Variants in TUNAR observed in about 807,000 individuals in gnomAD.
TUNAR encodes the protein transmembrane neural differentiation associated intracellular calcium regulator, also known as protein TUNAR.
At chr14:95,892,400 G>A (rs947752600) in intron 2 of TUNAR, among the ~76,000 whole-genome samples, 2 of 152,374 alleles carry the variant, frequency 1.3e-5, no homozygotes, top group African/African-American at 4.8e-5. Flanking sequence ...TCAGTGAGTG[G>A]GTGGCAGTGC....
At chr14:95,919,769 A>G (rs1468001787) in intron 2 of TUNAR, among the ~76,000 whole-genome samples, 5 of 152,200 alleles carry the variant, frequency 3.3e-5, no homozygotes. Context: ...CACCCAAAAA[A>G]GAAGATAGAT....
chr14:95,907,334 C>T (rs1432578094), intron 2 of TUNAR, among the ~76,000 whole-genome samples: 1 of 152,192 alleles, frequency 6.6e-6, no homozygotes, highest in Non-Finnish European at 1.5e-5. Flanking sequence ...TGCACAGTTG[C>T]AAGGGAAATG....
chr14:95,917,079 C>T (rs993663224), intron 2 of TUNAR, among the ~76,000 whole-genome samples: 7 of 152,096 alleles, frequency 4.6e-5, no homozygotes, highest in Admixed American at 2.6e-4. Context: ...TTAAGGTCAT[C>T]GAATTTCATA....
chr14:95,903,498 G>A (rs987712778), intron 2 of TUNAR, among the ~76,000 whole-genome samples: 5 of 152,196 alleles, frequency 3.3e-5, no homozygotes, highest in African/African-American at 1.2e-4. Context: ...AATGAGCATT[G>A]TTCTGCTCGC....
At chr14:95,923,484 TC>T (rs1413296294) in exon 3 of TUNAR, 2 of 152,288 alleles carry the variant, frequency 1.3e-5, no homozygotes, top group African/African-American at 4.8e-5. Context: ...AACTTATTTT[TC>T]TTTTTTCATT....
intron 2 of TUNAR, among the ~76,000 whole-genome samples, chr14:95,917,150 A>G (rs1335011329): frequency 2.0e-5 from 3 of 152,220 alleles, no homozygotes; most frequent in Non-Finnish European, 4.4e-5. Context: ...CCCCAAGGTC[A>G]TACAGATATT....
At chr14:95,924,890 T>C (rs1353148063) in exon 3 of TUNAR, 1 of 152,284 alleles carries the variant, frequency 6.6e-6, no homozygotes, top group African/African-American at 2.4e-5. Context: ...CTATAGTCTA[T>C]GCCTGCAGAT....
intron 2 of TUNAR, among the ~76,000 whole-genome samples, chr14:95,906,739 G>A (rs188525760): frequency 1.2e-4 from 18 of 152,120 alleles, no homozygotes; most frequent in African/African-American, 4.3e-4. Flanking sequence ...TTTCCTTCCG[G>A]TCTTGGTAGG....
chr14:95,885,242 A>T (rs1889057115), intron 2 of TUNAR, among the ~76,000 whole-genome samples: 1 of 152,214 alleles, frequency 6.6e-6, no homozygotes, highest in Admixed American at 6.5e-5. Flanking sequence ...CACGCTCAGC[A>T]TCAATCTTCT....
At chr14:95,885,420 T>C (rs996734507) in intron 2 of TUNAR, among the ~76,000 whole-genome samples, 6 of 152,172 alleles carry the variant, frequency 3.9e-5, no homozygotes, top group Non-Finnish European at 7.3e-5. Context: ...ACTGACGTGC[T>C]CTGAGAAGGC....
At position 95,888,758 on chromosome 14, in the gene TUNAR, G is replaced by A. The variant is rs148274926; in HGVS notation, c.12+11581G>A. Among the ~76,000 whole-genome samples the A allele has an allele frequency of 1.0e-3, 157 of 152,232 alleles. 1 individual carries two copies. The highest frequency in any genetic ancestry group is 3.6e-3 in the African/African-American group (148 of 41,528). The stretch of plus-strand genomic sequence containing the variant: ...TCAGAAGTCACATAGTATCACTTCC[G>A]GCATGTCCTTAGAAGCAAGTCTCTA... On this transcript the variant is annotated intron_variant, in intron 2 of 2. Transcript: ENST00000678517.
intron 2 of TUNAR, among the ~76,000 whole-genome samples, chr14:95,901,978 A>C (rs532759830): frequency 1.3e-5 from 2 of 152,164 alleles, no homozygotes; most frequent in Non-Finnish European, 2.9e-5. Flanking sequence ...AGTAGAGGAG[A>C]CAGCCAGTGT....
intron 2 of TUNAR, among the ~76,000 whole-genome samples, chr14:95,918,711 C>T (rs72700943): frequency 1.8e-3 from 269 of 152,284 alleles, no homozygotes; most frequent in Non-Finnish European, 3.1e-3. Context: ...AGAGTTATCT[C>T]GAGTTAATTC....
intron 2 of TUNAR, among the ~76,000 whole-genome samples, chr14:95,918,498 G>C (rs1241470647): frequency 3.3e-5 from 5 of 152,222 alleles, no homozygotes; most frequent in South Asian, 2.1e-4. Flanking sequence ...AACTCCCCTG[G>C]GAATCAAGCC....
intron 2 of TUNAR, among the ~76,000 whole-genome samples, chr14:95,907,267 G>A (rs756472304): frequency 1.1e-4 from 16 of 152,288 alleles, no homozygotes; most frequent in African/African-American, 2.9e-4. Context: ...ATGAACTTGC[G>A]TGTGTGTTTT....
At chr14:95,884,042 C>G (rs1428878259) in intron 2 of TUNAR, among the ~76,000 whole-genome samples, 2 of 152,112 alleles carry the variant, frequency 1.3e-5, no homozygotes, top group Non-Finnish European at 2.9e-5. Flanking sequence ...GGCACTCACC[C>G]CCATGCTGGC....
At chr14:95,876,757 G>A (rs1451653338) in intron 1 of TUNAR, 75 bp from the exon 1 acceptor site, 1 of 152,256 alleles carries the variant, frequency 6.6e-6, no homozygotes, top group Non-Finnish European at 1.5e-5. Flanking sequence ...GACGCGCCGT[G>A]GGTGGGGCAG....
exon 3 of TUNAR, chr14:95,925,466 CA>C (rs1466038788): frequency 6.6e-6 from 1 of 152,102 alleles, no homozygotes; most frequent in Non-Finnish European, 1.5e-5. Flanking sequence ...AAAGCAGTGT[CA>C]GGGGGAAGGA....
At chr14:95,889,310 T>G (rs1419839227) in intron 2 of TUNAR, among the ~76,000 whole-genome samples, 1 of 152,224 alleles carries the variant, frequency 6.6e-6, no homozygotes, top group Non-Finnish European at 1.5e-5. Flanking sequence ...ATATTAATGT[T>G]ACATATTAAA....
Sources: gnomAD v4.1 joint callset for allele counts (sites outside exome capture counted in the v4.1 genomes callset) on GRCh38, gnomAD v4.1.1 for gene constraint, MANE v1.5 for transcripts, NCBI Gene and HGNC (gene_info 2026-07-23, HGNC 2026-07-21) for gene names.